CEP63: variants seen among roughly 807,000 people sequenced by gnomAD.
The protein encoded by CEP63 is centrosomal protein 63.
A neutral mutation model predicts 89.1 loss-of-function variants in CEP63; 84 were observed. The ratio of observed to expected loss-of-function variants is 0.94; its 90% CI spans 0.79 to 1.13. The LOEUF (loss-of-function observed/expected upper bound fraction) is 1.13, where lower values mean the gene tolerates loss of function less well. CEP63 is among the 50% of genes most tolerant of loss of function. The pLI is 0.00. For missense variants in CEP63, 838 were observed against 813.3 expected, an observed-to-expected ratio of 1.03 and a Z score of -0.37; for synonymous variants, 267 against 272.5, an observed-to-expected ratio of 0.98 and a Z score of 0.20.
At chr3:134,567,565 A>T (rs542221891), downstream of CEP63, among the ~76,000 whole-genome samples, 100 of 151,728 alleles carry the variant, frequency 6.6e-4, 1 homozygote, top group East Asian at 0.016. Flanking sequence ...AAGCTATTCT[A>T]AAGTTTTCTA....
the CEP63 span, chr3:134,604,473 C>A: frequency 6.2e-7 from 1 of 1,600,162 alleles, no homozygotes; most frequent in Admixed American, 1.7e-5. Flanking sequence ...CCTTCCCATT[C>A]ACTGAGGAGA....
At chr3:134,498,905 TTATC>T (rs1472567775) in intron 2 of CEP63, among the ~76,000 whole-genome samples, 1 of 152,232 alleles carries the variant, frequency 6.6e-6, no homozygotes, top group Non-Finnish European at 1.5e-5. Flanking sequence ...TCATGCTGTA[TTATC>T]TTTCTGTTCT....
the CEP63 span, among the ~76,000 whole-genome samples, chr3:134,675,900 C>T: frequency 6.6e-6 from 1 of 152,180 alleles, no homozygotes; most frequent in African/African-American, 2.4e-5. Flanking sequence ...GGCAAAGATG[C>T]AGAGAAATTT....
chr3:134,504,113 CTTTT>C (rs74269454), intron 2 of CEP63, among the ~76,000 whole-genome samples: 1 of 143,888 alleles, frequency 6.9e-6, no homozygotes, highest in Non-Finnish European at 1.5e-5. Context: ...GTCTCTCTCT[CTTTT>C]TTTTTTTTAG....
chr3:134,607,906 G>C, the CEP63 span: 1 of 991,690 alleles, frequency 1.0e-6, no homozygotes, highest in East Asian at 1.1e-4. Flanking sequence ...CCTCATCCAG[G>C]GGTGCCTGAG....
the CEP63 span, among the ~76,000 whole-genome samples, chr3:134,712,515 C>A: frequency 6.6e-6 from 1 of 151,952 alleles, no homozygotes; most frequent in African/African-American, 2.4e-5. Context: ...CTTCTTTTTT[C>A]AAAAATAACA....
At chr3:134,703,616 G>A in the CEP63 span, among the ~76,000 whole-genome samples, 2 of 151,990 alleles carry the variant, frequency 1.3e-5, no homozygotes, top group African/African-American at 4.8e-5. Flanking sequence ...AGTACACACG[G>A]GGGCCTGTTA....
At chr3:134,738,249 T>TACACACACACACACAC in the CEP63 span, among the ~76,000 whole-genome samples, 330 of 145,670 alleles carry the variant, frequency 2.3e-3, 1 homozygote, top group African/African-American at 8.3e-3. Flanking sequence ...TATTCCATCA[T>TACACACACACACACAC]ACACACACAC....
the CEP63 span, among the ~76,000 whole-genome samples, chr3:134,727,126 TA>T: frequency 6.6e-6 from 1 of 151,938 alleles, no homozygotes; most frequent in Admixed American, 6.6e-5. Context: ...ATAGAGGAAA[TA>T]AAAATATTGC....
chr3:134,517,790 T>G (rs1946567903), intron 3 of CEP63, among the ~76,000 whole-genome samples: 1 of 152,096 alleles, frequency 6.6e-6, no homozygotes, highest in African/African-American at 2.4e-5. Flanking sequence ...ACATACAGAA[T>G]GCAGATAAAA....
intron 3 of CEP63, among the ~76,000 whole-genome samples, chr3:134,528,569 C>CGTGCGTGTGT (rs1553763960): frequency 6.8e-6 from 1 of 147,024 alleles, no homozygotes; most frequent in Non-Finnish European, 1.5e-5. Context: ...TGTGTGTGTG[C>CGTGCGTGTGT]GTGTGTGTGT....
chr3:134,609,126 G>A, the CEP63 span, among the ~76,000 whole-genome samples: 1 of 152,204 alleles, frequency 6.6e-6, no homozygotes, highest in Non-Finnish European at 1.5e-5. Context: ...AAGACAATCA[G>A]AAGTTCAAAG....
chr3:134,717,220 ATGAGGCTGT>A, the CEP63 span, among the ~76,000 whole-genome samples: 1 of 152,186 alleles, frequency 6.6e-6, no homozygotes, highest in Non-Finnish European at 1.5e-5. Context: ...AGAGCACTGG[ATGAGGCTGT>A]TTAAACTCCT....
chr3:134,782,508 C>T, the CEP63 span, among the ~76,000 whole-genome samples: 2 of 152,134 alleles, frequency 1.3e-5, no homozygotes, highest in Admixed American at 6.5e-5. Context: ...CGTATGCCCT[C>T]TTTTCCATCC....
the CEP63 span, among the ~76,000 whole-genome samples, chr3:134,740,509 G>A: frequency 6.6e-6 from 1 of 152,070 alleles, no homozygotes; most frequent in African/African-American, 2.4e-5. Context: ...GTGTTAGCCA[G>A]GATGGTCTCG....
the CEP63 span, among the ~76,000 whole-genome samples, chr3:134,704,101 A>G: frequency 2.0e-5 from 3 of 152,210 alleles, no homozygotes; most frequent in Admixed American, 6.5e-5. Flanking sequence ...CAACCGCTGC[A>G]TATTCTCCCA....
At chr3:134,579,919 G>T (rs1958304136), downstream of CEP63, among the ~76,000 whole-genome samples, 2 of 152,166 alleles carry the variant, frequency 1.3e-5, no homozygotes, top group Non-Finnish European at 2.9e-5. Context: ...CACACTAAGG[G>T]CTGGGCGTGG....
chr3:134,751,242 A>G, the CEP63 span, among the ~76,000 whole-genome samples: 2 of 152,200 alleles, frequency 1.3e-5, no homozygotes, highest in Non-Finnish European at 2.9e-5. Context: ...ATGGCTGAAT[A>G]ATATTCCATT....
intron 6 of CEP63, among the ~76,000 whole-genome samples, chr3:134,541,595 A>C (rs1952018384): frequency 1.4e-5 from 2 of 145,834 alleles, no homozygotes; most frequent in African/African-American, 5.1e-5. Context: ...GGCTCGCTGC[A>C]ACCTCCGCCT....
Sources: allele counts gnomAD v4.1 joint callset (sites outside exome capture counted in the v4.1 genomes callset), GRCh38; gene constraint gnomAD v4.1.1; transcripts MANE v1.5; gene names NCBI Gene and HGNC (gene_info 2026-07-23, HGNC 2026-07-21).